Variants in CCDC85A observed in about 807,000 individuals in gnomAD.
CCDC85A encodes the protein coiled-coil domain-containing protein 85A.
CCDC85A carries 38 observed loss-of-function variants against 50.2 expected under a neutral mutation model. The observed-to-expected ratio is 0.76, with a 90% confidence interval of 0.58 to 0.99. The LOEUF is 0.99. Ranked by LOEUF, CCDC85A falls within the 50% of genes least tolerant of loss-of-function variation. CCDC85A has a pLI of 0.00. For synonymous variants in CCDC85A, 366 were observed against 301.4 expected, an observed-to-expected ratio of 1.21 and a Z score of -2.22; for missense variants, 820 against 742.0, an observed-to-expected ratio of 1.11 and a Z score of -1.22.
intron 2 of CCDC85A, among the ~76,000 whole-genome samples, chr2:56,209,030 A>G (rs6754349): frequency 0.26 from 39,825 of 151,962 alleles, 5,359 homozygotes; most frequent in Admixed American, 0.34. Flanking sequence ...GGAAAGGAAG[A>G]AATCTTTTGG....
intron 3 of CCDC85A, among the ~76,000 whole-genome samples, chr2:56,344,267 A>G (rs1188742206): frequency 6.6e-6 from 1 of 152,194 alleles, no homozygotes; most frequent in Non-Finnish European, 1.5e-5. Context: ...ACTATTAAAT[A>G]CAATAAGGGT....
chr2:56,332,538 G>T (rs1320931214), intron 2 of CCDC85A, among the ~76,000 whole-genome samples: 1 of 152,050 alleles, frequency 6.6e-6, no homozygotes, highest in Non-Finnish European at 1.5e-5. Flanking sequence ...TCACCTTGGA[G>T]GTTAGGTTTC....
intron 2 of CCDC85A, chr2:56,235,243 T>G (rs897199550): frequency 1.3e-5 from 2 of 152,134 alleles, no homozygotes; most frequent in African/African-American, 4.8e-5. Context: ...GGTGGTTTTC[T>G]CCCATCCAAG....
chr2:56,366,693 A>T (rs1202651703), intron 3 of CCDC85A, among the ~76,000 whole-genome samples: 1 of 152,088 alleles, frequency 6.6e-6, no homozygotes, highest in Admixed American at 6.6e-5. Context: ...TAATCTTTTA[A>T]TGGACAGCAC....
chr2:56,350,306 C>A (rs1484549218), intron 3 of CCDC85A, among the ~76,000 whole-genome samples: 2 of 151,964 alleles, frequency 1.3e-5, no homozygotes, highest in Non-Finnish European at 2.9e-5. Context: ...TGCAGTGGCT[C>A]ACGCCTATAA....
chr2:56,275,306 T>C (rs1670879462), intron 2 of CCDC85A, among the ~76,000 whole-genome samples: 1 of 152,218 alleles, frequency 6.6e-6, no homozygotes, highest in Non-Finnish European at 1.5e-5. Flanking sequence ...TTTTAACATC[T>C]TTTAACTTTT....
At chr2:56,307,122 A>T (rs892030439) in intron 2 of CCDC85A, among the ~76,000 whole-genome samples, 1 of 152,180 alleles carries the variant, frequency 6.6e-6, no homozygotes, top group African/African-American at 2.4e-5. Context: ...TTTAGTTCCT[A>T]TGCTTTGAAT....
chr2:56,362,834 G>A (rs1273161552), intron 3 of CCDC85A, among the ~76,000 whole-genome samples: 2 of 151,946 alleles, frequency 1.3e-5, no homozygotes, highest in Non-Finnish European at 2.9e-5. Context: ...ATGTTGGCCA[G>A]GCTGGTCTCA....
chr2:56,285,937 C>A (rs1312837344), intron 2 of CCDC85A, among the ~76,000 whole-genome samples: 6 of 151,970 alleles, frequency 3.9e-5, no homozygotes, highest in Admixed American at 3.9e-4. Context: ...GTTATCTCTG[C>A]AAATGGTTTT....
chr2:56,221,551 G>A (rs1021260639), intron 2 of CCDC85A, among the ~76,000 whole-genome samples: 5 of 151,834 alleles, frequency 3.3e-5, no homozygotes, highest in Non-Finnish European at 7.4e-5. Flanking sequence ...TTGTAATTTT[G>A]TAATATAATG....
intron 3 of CCDC85A, among the ~76,000 whole-genome samples, chr2:56,343,737 G>C (rs745775027): frequency 6.6e-6 from 1 of 152,190 alleles, no homozygotes; most frequent in East Asian, 1.9e-4. Flanking sequence ...TAGTCACTAG[G>C]GTTCTTTCTA....
chr2:56,190,204 G>T (rs911053154), intron 1 of CCDC85A, among the ~76,000 whole-genome samples: 2 of 152,118 alleles, frequency 1.3e-5, no homozygotes, highest in Non-Finnish European at 2.9e-5. Context: ...GGATCGGTTC[G>T]CAAGACCAAA....
Position 56,279,848 on chromosome 2 carries a change from G to A in CCDC85A, c.1241-63031G>A, listed in dbSNP as rs184746708. Among the ~76,000 whole-genome samples the A allele has an allele frequency of 3.3e-5, 5 of 152,304 alleles. No homozygotes were observed. The East Asian group carries it at 9.6e-4, about 29-fold the overall frequency. On this transcript the variant is annotated intron_variant, in intron 2 of 5. Coordinates refer to ENST00000407595, the MANE Select transcript of CCDC85A (RefSeq NM_001080433.2). The stretch of plus-strand genomic sequence containing the variant: ...TCTTTATTCATTCACTGATAGAAAT[G>A]TAGGTTAATTTCATATCTTGGATAT...
intron 2 of CCDC85A, among the ~76,000 whole-genome samples, chr2:56,275,954 A>G (rs1241917959): frequency 6.6e-6 from 1 of 152,214 alleles, no homozygotes; most frequent in Non-Finnish European, 1.5e-5. Flanking sequence ...AGACTGAGTC[A>G]GAGCATGAAG....
intron 4 of CCDC85A, 110 bp from the exon 5 acceptor site, chr2:56,375,706 G>A: frequency 8.5e-7 from 1 of 1,180,672 alleles, no homozygotes; most frequent in Admixed American, 2.2e-5. Context: ...TTAGGAAAAA[G>A]TAACAAAATG....
chr2:56,324,217 G>A (rs1309031173), intron 2 of CCDC85A, among the ~76,000 whole-genome samples: 1 of 152,090 alleles, frequency 6.6e-6, no homozygotes, highest in African/African-American at 2.4e-5. Flanking sequence ...TTGGGTCATT[G>A]GTGCTAATGA....
At chr2:56,288,163 G>C (rs1671533796) in intron 2 of CCDC85A, among the ~76,000 whole-genome samples, 1 of 152,142 alleles carries the variant, frequency 6.6e-6, no homozygotes, top group African/African-American at 2.4e-5. Context: ...AGTAGACAGA[G>C]GTCTTCAGAT....
intron 2 of CCDC85A, among the ~76,000 whole-genome samples, chr2:56,248,608 C>G (rs373388324): frequency 1.4e-4 from 21 of 152,294 alleles, no homozygotes; most frequent in African/African-American, 5.1e-4. Context: ...AAGGCAGAGG[C>G]TCAACACAAA....
chr2:56,336,835 A>G (rs1313520022), intron 2 of CCDC85A, among the ~76,000 whole-genome samples: 1 of 152,208 alleles, frequency 6.6e-6, no homozygotes, highest in Non-Finnish European at 1.5e-5. Flanking sequence ...TGTCTGAGGA[A>G]ATATCAAGTT....
Sources: allele counts gnomAD v4.1 joint callset (sites outside exome capture counted in the v4.1 genomes callset), GRCh38; gene constraint gnomAD v4.1.1; transcripts MANE v1.5; gene names NCBI Gene and HGNC (gene_info 2026-07-23, HGNC 2026-07-21).